The following DLC1 variants were observed in gnomAD, a reference collection of about 807,000 sequenced individuals.
DLC1 encodes rho GTPase-activating protein 7.
Under a neutral mutation model 140.3 loss-of-function variants are expected in DLC1, and 54 were observed. That is an observed-to-expected ratio of 0.38 (90% CI 0.31 to 0.48). The LOEUF (loss-of-function observed/expected upper bound fraction) is 0.48, where lower values mean the gene tolerates loss of function less well. DLC1 is among the 20% of genes least tolerant of loss of function. DLC1 has a pLI of 0.96. For missense variants in DLC1, 2,536 were observed against 1,907.0 expected, an observed-to-expected ratio of 1.33 and a Z score of -6.14; for synonymous variants, 986 against 728.1, an observed-to-expected ratio of 1.35 and a Z score of -5.70.
intron 1 of DLC1, chr8:13,567,436 AAG>A: frequency 6.4e-7 from 1 of 1,551,994 alleles, no homozygotes; most frequent in Non-Finnish European, 8.7e-7. Flanking sequence ...CAGACATAAA[AAG>A]CTGCATCTTG....
rs973658082 is a variant in DLC1, at chr8:13,393,591, T to G, written c.1276A>C (p.Thr426Pro). The change falls in exon 4 of 18, where the codon ACT becomes CCT. Residue 426 changes from threonine to proline, a missense_variant. By Grantham distance (38) the Thr-to-Pro change is conservative (BLOSUM62 -1). Transcript: ENST00000276297. ...DTESTDLPSSTPVANSGTKPK... is the reference protein window; with the variant it reads ...DTESTDLPSSPPVANSGTKPK... ...TTGGTTCCAGAATTGGCTACTGGAG[T>G]GGAAGATGGGAGGTCCGTGGACTCA... is the stretch of plus-strand genomic sequence containing the variant. 6.2e-7 allele frequency: 1 copy of G among 1,613,802 alleles called. No individual in the cohort carries two copies. Among genetic ancestry groups the G allele is most frequent in the Non-Finnish European group, 8.5e-7 (1 of 1,179,978 alleles).
At chr8:13,212,232 G>A (rs765139074) in intron 5 of DLC1, among the ~76,000 whole-genome samples, 35 of 152,136 alleles carry the variant, frequency 2.3e-4, no homozygotes, top group Non-Finnish European at 4.6e-4. Context: ...TGACCAACCA[G>A]CCACGATGGC....
chr8:13,228,587 TA>T (rs1828904230), intron 5 of DLC1, among the ~76,000 whole-genome samples: 1 of 151,652 alleles, frequency 6.6e-6, no homozygotes, highest in East Asian at 1.9e-4. Context: ...AAAATAAAAA[TA>T]AAAATAAAAA....
chr8:13,576,715 G>T (rs1198701605), intron 1 of DLC1, among the ~76,000 whole-genome samples: 1 of 152,126 alleles, frequency 6.6e-6, no homozygotes, highest in African/African-American at 2.4e-5. Context: ...TGTGTCAAAT[G>T]AATCTCCCCA....
At chr8:13,286,275 G>C (rs1359571494) in intron 5 of DLC1, among the ~76,000 whole-genome samples, 1 of 152,160 alleles carries the variant, frequency 6.6e-6, no homozygotes. Flanking sequence ...AGAGGAGGTG[G>C]TTTTTCTACC....
intron 5 of DLC1, among the ~76,000 whole-genome samples, chr8:13,146,078 G>T (rs1305153686): frequency 6.6e-6 from 1 of 151,990 alleles, no homozygotes; most frequent in African/African-American, 2.4e-5. Context: ...ATCGAGACCA[G>T]CCTGGCCAAC....
intron 5 of DLC1, among the ~76,000 whole-genome samples, chr8:13,268,408 A>C (rs536830946): frequency 6.6e-6 from 1 of 151,224 alleles, no homozygotes; most frequent in Admixed American, 6.6e-5. Context: ...TCCGCCTCCC[A>C]GGTTCACGCC....
At chr8:13,212,006 A>G (rs1458558625) in intron 5 of DLC1, among the ~76,000 whole-genome samples, 1 of 152,200 alleles carries the variant, frequency 6.6e-6, no homozygotes, top group Non-Finnish European at 1.5e-5. Flanking sequence ...CAGGACATTA[A>G]CACCCCATGG....
intron 5 of DLC1, among the ~76,000 whole-genome samples, chr8:13,128,804 C>T (rs1378145621): frequency 4.0e-5 from 6 of 148,752 alleles, no homozygotes; most frequent in Non-Finnish European, 5.9e-5. Context: ...CACTGCACTC[C>T]AGCCTGGGCG....
At chr8:13,212,932 C>T (rs187027813) in intron 5 of DLC1, among the ~76,000 whole-genome samples, 236 of 152,168 alleles carry the variant, frequency 1.6e-3, no homozygotes, top group African/African-American at 4.4e-3. Context: ...TACTGAAGGG[C>T]GCCGTTTAAA....
At chr8:13,476,488 G>A (rs1235293883) in intron 2 of DLC1, among the ~76,000 whole-genome samples, 1 of 144,742 alleles carries the variant, frequency 6.9e-6, no homozygotes, top group Non-Finnish European at 1.5e-5. Context: ...TTTTAGTATG[G>A]CTAATACATA....
At chr8:13,543,151 A>C (rs190168060) in intron 1 of DLC1, among the ~76,000 whole-genome samples, 32 of 152,292 alleles carry the variant, frequency 2.1e-4, no homozygotes, top group Middle Eastern at 3.4e-3. Flanking sequence ...TATTTAGCAA[A>C]TATTTATTTT....
intron 5 of DLC1, among the ~76,000 whole-genome samples, chr8:13,296,336 C>T (rs1831952654): frequency 6.6e-6 from 1 of 152,014 alleles, no homozygotes; most frequent in Admixed American, 6.6e-5. Flanking sequence ...AATTGTCTTT[C>T]TTCTGAGAAG....
chr8:13,218,866 A>C (rs1411592915), intron 5 of DLC1, among the ~76,000 whole-genome samples: 1 of 128,382 alleles, frequency 7.8e-6, no homozygotes, highest in Non-Finnish European at 1.6e-5. Flanking sequence ...TTATATATGA[A>C]TATAATTATA....
chr8:13,456,502 C>T (rs1250847470), intron 2 of DLC1, among the ~76,000 whole-genome samples: 1 of 151,894 alleles, frequency 6.6e-6, no homozygotes, highest in African/African-American at 2.4e-5. Flanking sequence ...CTCTGTCACC[C>T]AGAGTGGAGC....
chr8:13,295,816 TC>T (rs1831921005), intron 5 of DLC1, among the ~76,000 whole-genome samples: 1 of 152,166 alleles, frequency 6.6e-6, no homozygotes, highest in Non-Finnish European at 1.5e-5. Flanking sequence ...TCAACACTTT[TC>T]TTGTGGGTAC....
intron 5 of DLC1, among the ~76,000 whole-genome samples, chr8:13,225,236 C>A (rs1209107): frequency 0.46 from 70,415 of 152,094 alleles, 17,408 homozygotes; most frequent in East Asian, 0.82. Flanking sequence ...AACAAGTTTC[C>A]GTGGGATTGC....
chr8:13,215,728 A>G (rs1418053383), intron 5 of DLC1, among the ~76,000 whole-genome samples: 1 of 152,210 alleles, frequency 6.6e-6, no homozygotes, highest in East Asian at 1.9e-4. Flanking sequence ...TTCATAATCC[A>G]TATTTTCTTA....
chr8:13,448,360 C>G (rs1216685281), intron 2 of DLC1, among the ~76,000 whole-genome samples: 2 of 137,162 alleles, frequency 1.5e-5, no homozygotes, highest in African/African-American at 6.7e-5. Context: ...TCTTCTTCTT[C>G]TTCTTCTTCT....
Sources: allele counts gnomAD v4.1 joint callset (sites outside exome capture counted in the v4.1 genomes callset), GRCh38; gene constraint gnomAD v4.1.1; transcripts MANE v1.5; gene names NCBI Gene and HGNC (gene_info 2026-07-23, HGNC 2026-07-21).